PARD3: variants seen among roughly 807,000 people sequenced by gnomAD.
PARD3 encodes the protein partitioning defective 3 homolog.
A neutral mutation model predicts 155.4 loss-of-function variants in PARD3; 75 were observed. The ratio of observed to expected loss-of-function variants is 0.48; its 90% CI spans 0.40 to 0.58. The LOEUF is 0.58. Among genes scored for constraint, PARD3 ranks in the 20% least tolerant of loss-of-function variants. The pLI is 0.00. For synonymous variants in PARD3, 576 were observed against 610.5 expected (o/e 0.94, Z 0.83); for missense variants, 1,642 against 1,721.7 (o/e 0.95, Z 0.82).
intron 3 of PARD3, among the ~76,000 whole-genome samples, chr10:34,502,236 C>T (rs933899230): frequency 1.3e-5 from 2 of 152,084 alleles, no homozygotes; most frequent in African/African-American, 4.8e-5. Flanking sequence ...TATGTAGTCA[C>T]ATGAGTCTTA....
At chr10:34,295,225 G>T (rs1404832338) in intron 20 of PARD3, among the ~76,000 whole-genome samples, 1 of 152,112 alleles carries the variant, frequency 6.6e-6, no homozygotes, top group African/African-American at 2.4e-5. Flanking sequence ...TCCTGGGGTG[G>T]GTGAAGCAGC....
intron 5 of PARD3, among the ~76,000 whole-genome samples, chr10:34,424,457 T>C (rs1425609171): frequency 6.6e-6 from 1 of 152,180 alleles, no homozygotes; most frequent in East Asian, 1.9e-4. Flanking sequence ...ATATGCAGCA[T>C]GATGAAACTG....
chr10:34,450,372 G>A lies in PARD3; in HGVS notation c.659C>T (p.Ser220Leu), dbSNP rs760474926. The A allele has an allele frequency of 2.3e-5, 37 of 1,613,202 alleles. 1 individual carries two copies. Among genetic ancestry groups the A allele is most frequent in the African/African-American group, 5.3e-5 (4 of 74,868 alleles). The change falls in exon 5 of 25, where the codon TCG becomes TTG. Residue 220 changes from serine (S) to leucine (L), a missense_variant. Ser to Leu is a moderately radical substitution (Grantham distance 145). Transcript: ENST00000374788. ...CATTGGGTGACTGGCACTCAGAGAC[G>A]AGCGAGCATTGTCTCTCTGAAATTG... Reference protein sequence around the residue: ...SNQFQRDNARSSLSASHPMVG... With the variant: ...SNQFQRDNARLSLSASHPMVG...
At chr10:34,658,179 A>G (rs908771700) in intron 2 of PARD3, among the ~76,000 whole-genome samples, 3 of 151,968 alleles carry the variant, frequency 2.0e-5, no homozygotes, top group South Asian at 2.1e-4. Context: ...ACATAAGTGG[A>G]TTTATTCAAA....
intron 19 of PARD3, among the ~76,000 whole-genome samples, chr10:34,322,242 T>C (rs995399669): frequency 1.3e-5 from 2 of 152,066 alleles, no homozygotes; most frequent in African/African-American, 4.8e-5. Context: ...AATAAGACAG[T>C]AAAAGGCCTC....
chr10:34,329,037 T>C lies in PARD3; in HGVS notation c.2833+2080A>G, dbSNP rs1000918479. Among the ~76,000 whole-genome samples, 6 of 152,346 alleles carry C rather than the reference T, an allele frequency of 3.9e-5. No individual in the cohort carries two copies. In the South Asian group the frequency reaches 1.2e-3, roughly 32 times the overall value. ...TGGTTTGCAAATTGTAATTTGCCTA[T>C]CCATGTGTTTCATTTCACTTTTTTT... On this transcript the variant is annotated intron_variant, in intron 19 of 24. Transcript: ENST00000374788.
intron 2 of PARD3, among the ~76,000 whole-genome samples, chr10:34,567,332 T>G (rs773302826): frequency 6.6e-6 from 1 of 152,172 alleles, no homozygotes; most frequent in Non-Finnish European, 1.5e-5. Flanking sequence ...AAAATAAATG[T>G]TCACTTCAAA....
intron 1 of PARD3, among the ~76,000 whole-genome samples, chr10:34,710,896 C>A (rs2094440481): frequency 6.6e-6 from 1 of 152,128 alleles, no homozygotes; most frequent in Non-Finnish European, 1.5e-5. Flanking sequence ...ATCCCCTTGG[C>A]CGGACACAGT....
intron 1 of PARD3, among the ~76,000 whole-genome samples, chr10:34,762,368 A>AC (rs995301302): frequency 9.3e-5 from 14 of 151,022 alleles, no homozygotes; most frequent in Non-Finnish European, 1.5e-4. Context: ...ATCACAACTC[A>AC]CTGCAGACTC....
chr10:34,224,465 A>T (rs998323176), intron 22 of PARD3, among the ~76,000 whole-genome samples: 3 of 152,232 alleles, frequency 2.0e-5, no homozygotes, highest in African/African-American at 4.8e-5. Flanking sequence ...AGCTTTACAC[A>T]CTCTAAATCC....
intron 5 of PARD3, among the ~76,000 whole-genome samples, chr10:34,412,661 T>C (rs541359686): frequency 6.6e-6 from 1 of 152,324 alleles, no homozygotes; most frequent in African/African-American, 2.4e-5. Flanking sequence ...ACCATATCAT[T>C]TGCTTTTGAT....
At chr10:34,725,151 GAC>G (rs754246115) in intron 1 of PARD3, among the ~76,000 whole-genome samples, 4,592 of 105,740 alleles carry the variant, frequency 0.043, 54 homozygotes, top group Non-Finnish European at 0.054. Context: ...GTGTGTGTGT[GAC>G]AGAGAGAGAG....
chr10:34,308,776 G>C (rs770094479), intron 20 of PARD3, among the ~76,000 whole-genome samples: 2 of 152,140 alleles, frequency 1.3e-5, no homozygotes, highest in Admixed American at 1.3e-4. Flanking sequence ...GATCACAAAG[G>C]CTGTTTCCTG....
chr10:34,245,145 T>C (rs1323409109), intron 22 of PARD3, among the ~76,000 whole-genome samples: 1 of 152,196 alleles, frequency 6.6e-6, no homozygotes. Context: ...TTAGCAGACA[T>C]ACAAACTCTG....
At chr10:34,812,015 G>A (rs1844243567) in intron 1 of PARD3, among the ~76,000 whole-genome samples, 2 of 152,114 alleles carry the variant, frequency 1.3e-5, no homozygotes, top group African/African-American at 4.8e-5. Context: ...CATCTTTCAG[G>A]AGAGGAAAAA....
At chr10:34,770,216 G>A (rs1055049638) in intron 1 of PARD3, among the ~76,000 whole-genome samples, 2 of 152,164 alleles carry the variant, frequency 1.3e-5, no homozygotes, top group African/African-American at 4.8e-5. Context: ...GTCCTTCTAT[G>A]AAGATCTAGT....
intron 2 of PARD3, among the ~76,000 whole-genome samples, chr10:34,678,922 G>A (rs1045521115): frequency 1.2e-4 from 18 of 151,750 alleles, no homozygotes; most frequent in African/African-American, 3.6e-4. Context: ...AAACCTTAAC[G>A]CCTTCACCGA....
intron 2 of PARD3, among the ~76,000 whole-genome samples, chr10:34,652,387 G>A (rs2093039719): frequency 6.6e-6 from 1 of 152,160 alleles, no homozygotes; most frequent in Non-Finnish European, 1.5e-5. Flanking sequence ...GATGGGGAGA[G>A]GGGTCTTACT....
intron 2 of PARD3, among the ~76,000 whole-genome samples, chr10:34,632,716 C>T (rs1049539282): frequency 6.6e-6 from 1 of 152,190 alleles, no homozygotes; most frequent in African/African-American, 2.4e-5. Flanking sequence ...ACTGATTATA[C>T]ATAAATACAA....
Sources: allele counts gnomAD v4.1 joint callset (sites outside exome capture counted in the v4.1 genomes callset), GRCh38; gene constraint gnomAD v4.1.1; transcripts MANE v1.5; gene names NCBI Gene and HGNC (gene_info 2026-07-23, HGNC 2026-07-21).